Variants in EPB41L4A observed in about 807,000 individuals in gnomAD.
The protein encoded by EPB41L4A is erythrocyte membrane protein band 4.1 like 4A, also known as band 4.1-like protein 4A.
EPB41L4A carries 100 observed loss-of-function variants against 108.6 expected under a neutral mutation model. The ratio of observed to expected loss-of-function variants is 0.92; its 90% CI spans 0.78 to 1.09. EPB41L4A has a LOEUF of 1.09. Among genes scored for constraint, EPB41L4A ranks in the 50% least tolerant of loss-of-function variants. EPB41L4A has a pLI of 0.00. For synonymous variants in EPB41L4A, 319 were observed against 289.0 expected (o/e 1.10, Z -1.05); for missense variants, 1,030 against 842.7 (o/e 1.22, Z -2.75).
intron 1 of EPB41L4A, among the ~76,000 whole-genome samples, chr5:112,396,441 C>G (rs527972972): frequency 1.8e-4 from 27 of 152,306 alleles, no homozygotes; most frequent in Admixed American, 5.2e-4. Flanking sequence ...GGCACTACTG[C>G]TGTATAACAA....
chr5:112,417,426 T>C (rs764729033), intron 1 of EPB41L4A, among the ~76,000 whole-genome samples: 10 of 152,226 alleles, frequency 6.6e-5, no homozygotes, highest in Non-Finnish European at 1.0e-4. Flanking sequence ...GATCATCAGT[T>C]ACCTTTTTCT....
intron 1 of EPB41L4A, among the ~76,000 whole-genome samples, chr5:112,361,751 G>C (rs1758783695): frequency 6.6e-6 from 1 of 151,786 alleles, no homozygotes; most frequent in African/African-American, 2.4e-5. Context: ...ACTGGGTGTG[G>C]TGGTGTGCAC....
intron 1 of EPB41L4A, among the ~76,000 whole-genome samples, chr5:112,384,862 G>C (rs1760403336): frequency 1.3e-5 from 2 of 152,264 alleles, no homozygotes; most frequent in African/African-American, 4.8e-5. Flanking sequence ...CTGTTTTAGA[G>C]ACATAATTTT....
chr5:112,229,119 A>C (rs1748681174), intron 12 of EPB41L4A, among the ~76,000 whole-genome samples: 1 of 152,242 alleles, frequency 6.6e-6, no homozygotes, highest in Non-Finnish European at 1.5e-5. Flanking sequence ...TCTAAAGTAA[A>C]AACTCATTTA....
rs142822511 is a variant in EPB41L4A at position 112,230,170 on chromosome 5, C to T, written c.1087+4464G>A. ...GGCTGGTTCCATAGTTTTGCAAATA[C>T]AAATTGTGCTGTTATAAATATCGTG... On this transcript the variant is annotated intron_variant, in intron 12 of 22. Coordinates refer to ENST00000261486, the MANE Select transcript of EPB41L4A (RefSeq NM_022140.5). Among the ~76,000 whole-genome samples the T allele has an allele frequency of 2.0e-5, 3 of 152,194 alleles. No homozygotes were observed. The East Asian group carries it at 5.8e-4, about 29-fold the overall frequency.
intron 18 of EPB41L4A, among the ~76,000 whole-genome samples, chr5:112,172,766 G>A (rs540298544): frequency 1.3e-5 from 2 of 152,326 alleles, no homozygotes; most frequent in South Asian, 2.1e-4. Context: ...AGAGTCTGAA[G>A]TATTACATAA....
intron 12 of EPB41L4A, among the ~76,000 whole-genome samples, chr5:112,151,349 G>C (rs1561429697): frequency 7.1e-6 from 1 of 141,770 alleles, no homozygotes. Flanking sequence ...TAAGGTCCTT[G>C]TTTTTTTTTT....
At chr5:112,215,798 C>CA (rs35816264) in intron 12 of EPB41L4A, among the ~76,000 whole-genome samples, 1 of 135,500 alleles carries the variant, frequency 7.4e-6, no homozygotes, top group Admixed American at 7.4e-5. Flanking sequence ...AAAAAAAAAA[C>CA]AGACAAAGCT....
intron 9 of EPB41L4A, among the ~76,000 whole-genome samples, chr5:112,247,851 C>G (rs990685820): frequency 1.6e-4 from 24 of 152,084 alleles, no homozygotes; most frequent in Middle Eastern, 3.2e-3. Context: ...TGACTGTATC[C>G]TTTTACTTTT....
Position 112,261,885 on chromosome 5 carries a change from ATTT to A in EPB41L4A, c.642+606_642+608del, listed in dbSNP as rs35793398. Among the ~76,000 whole-genome samples, 832 of 112,418 alleles carry A rather than the reference ATTT, an allele frequency of 7.4e-3. 3 individuals are homozygous for A. The highest frequency in any genetic ancestry group is 0.025 in the African/African-American group (714 of 28,846). The allele number at this position is 112,418 out of a possible 152,430, so 73.8% of individuals were successfully genotyped here. A position where few individuals can be genotyped will look rare whatever the true frequency, so the allele number is the denominator to read the frequency against. ...GTCTAATACAGTCAATTACACACCAATTTTTTTTTTTTTTTTTTTTTTGAGATG... is the reference window on the plus strand; with the variant it reads ...GTCTAATACAGTCAATTACACACCAATTTTTTTTTTTTTTTTTTTGAGATG... On this transcript the variant is annotated intron_variant, in intron 7 of 22. Transcript: ENST00000261486.
rs1220757537 is a variant in EPB41L4A at position 112,275,325 on chromosome 5, C to T, written c.335+1G>A. 1.9e-6 allele frequency: 3 copies of T among 1,547,314 alleles called. No homozygotes were observed. The highest frequency in any genetic ancestry group is 1.2e-5 in the South Asian group (1 of 84,226). On this transcript the variant is annotated splice_donor_variant, in intron 4 of 22. Transcript: ENST00000261486. LOFTEE classifies it high-confidence loss of function. ...GTTCAAAAACAAAGTCAATACTATACCTGGTTATTTCTTCTTTAAGTTTAC... is the reference window on the plus strand; with the variant it reads ...GTTCAAAAACAAAGTCAATACTATATCTGGTTATTTCTTCTTTAAGTTTAC...
intron 1 of EPB41L4A, among the ~76,000 whole-genome samples, chr5:112,395,449 G>A (rs187085744): frequency 0.018 from 2,730 of 152,178 alleles, 61 homozygotes; most frequent in African/African-American, 0.059. Context: ...ATGAACAGAC[G>A]CTTCTCAAAA....
At chr5:112,316,390 C>G (rs1158516949) in intron 1 of EPB41L4A, among the ~76,000 whole-genome samples, 1 of 152,130 alleles carries the variant, frequency 6.6e-6, no homozygotes, top group African/African-American at 2.4e-5. Context: ...TCTGGGAAAA[C>G]TTAAAATTAC....
Position 112,194,654 on chromosome 5 carries a change from A to G in EPB41L4A, c.1425-9T>C, listed in dbSNP as rs575339283. The G allele has an allele frequency of 6.3e-7, 1 of 1,591,680 alleles. No individual in the cohort carries two copies. Among genetic ancestry groups the G allele is most frequent in the African/African-American group, 1.4e-5 (1 of 73,776 alleles). On this transcript the variant is annotated splice_polypyrimidine_tract_variant and intron_variant, in intron 16 of 22. Transcript: ENST00000261486. ...TACAGCGTGAACGTGACCTGAAGAC[A>G]AAAAGGTAAGAACAAAAGAAAAAAC...
intron 12 of EPB41L4A, among the ~76,000 whole-genome samples, chr5:112,213,425 T>G (rs1442740746): frequency 6.6e-6 from 1 of 151,760 alleles, no homozygotes; most frequent in Non-Finnish European, 1.5e-5. Flanking sequence ...CTCAGCTCAC[T>G]GCAACCTCTG....
At chr5:112,203,020 T>C (rs1010409746) in intron 15 of EPB41L4A, among the ~76,000 whole-genome samples, 10 of 151,556 alleles carry the variant, frequency 6.6e-5, no homozygotes, top group Non-Finnish European at 2.9e-5. Flanking sequence ...CTGGGCAACA[T>C]AACAAGTGAG....
intron 1 of EPB41L4A, among the ~76,000 whole-genome samples, chr5:112,356,155 G>A (rs1026272937): frequency 1.3e-5 from 2 of 152,092 alleles, no homozygotes; most frequent in African/African-American, 2.4e-5. Context: ...ACTCCACATT[G>A]TGGGTAGAAG....
intron 1 of EPB41L4A, among the ~76,000 whole-genome samples, chr5:112,359,972 A>G (rs559120940): frequency 2.0e-5 from 3 of 152,306 alleles, no homozygotes; most frequent in African/African-American, 7.2e-5. Flanking sequence ...CTCTATAATT[A>G]CTGACGTGTA....
At chr5:112,277,366 C>T (rs1422785892) in intron 3 of EPB41L4A, among the ~76,000 whole-genome samples, 1 of 152,214 alleles carries the variant, frequency 6.6e-6, no homozygotes, top group Non-Finnish European at 1.5e-5. Flanking sequence ...TAAAAGTACA[C>T]AGTTAAAAAC....
Sources: allele counts gnomAD v4.1 joint callset (sites outside exome capture counted in the v4.1 genomes callset), GRCh38; gene constraint gnomAD v4.1.1; transcripts MANE v1.5; gene names NCBI Gene and HGNC (gene_info 2026-07-23, HGNC 2026-07-21).